Variants in DNAJC1 observed in about 807,000 individuals in gnomAD.
The protein encoded by DNAJC1 is DnaJ heat shock protein family (Hsp40) member C1.
In DNAJC1, 58 loss-of-function variants were observed where a neutral mutation model predicts 76.6. The observed-to-expected ratio is 0.76, with a 90% CI of 0.61 to 0.94. The LOEUF (loss-of-function observed/expected upper bound fraction) is 0.94, where lower values mean the gene tolerates loss of function less well. DNAJC1 is among the 40% of genes least tolerant of loss of function. The pLI, the probability that DNAJC1 is intolerant of heterozygous loss-of-function variation, is 0.00. For missense variants in DNAJC1, 689 were observed against 677.3 expected (o/e 1.02, Z -0.19); for synonymous variants, 258 against 267.9 (o/e 0.96, Z 0.36).
chr10:21,866,134 C>CAAAAAAAAAAAAAAA (rs1306930222), intron 8 of DNAJC1, among the ~76,000 whole-genome samples: 5 of 33,958 alleles, frequency 1.5e-4, no homozygotes, highest in Admixed American at 3.0e-4. Context: ...GACTTCAACT[C>CAAAAAAAAAAAAAAA]AAAAAAAAAA....
At chr10:21,831,224 T>A (rs1374142055) in intron 8 of DNAJC1, among the ~76,000 whole-genome samples, 1 of 152,134 alleles carries the variant, frequency 6.6e-6, no homozygotes, top group Non-Finnish European at 1.5e-5. Flanking sequence ...TTTCAATGGT[T>A]CTAGAACACA....
intron 9 of DNAJC1, among the ~76,000 whole-genome samples, chr10:21,798,368 G>A (rs570976734): frequency 3.9e-5 from 6 of 152,118 alleles, no homozygotes; most frequent in Admixed American, 2.0e-4. Flanking sequence ...TTCCCATCTC[G>A]CTCAGGGTAA....
At chr10:21,986,457 G>A (rs1288099879) in intron 1 of DNAJC1, among the ~76,000 whole-genome samples, 1 of 152,076 alleles carries the variant, frequency 6.6e-6, no homozygotes, top group Non-Finnish European at 1.5e-5. Flanking sequence ...ATCTTCTTGG[G>A]TAAGGTGTCT....
At chr10:21,813,198 CTCTCTCTCTCTCTCTCTCTCTCTA>C (rs1297564701) in intron 8 of DNAJC1, among the ~76,000 whole-genome samples, 6 of 81,040 alleles carry the variant, frequency 7.4e-5, no homozygotes, top group South Asian at 4.5e-4. Flanking sequence ...CTCTCTCTCT[CTCTCTCTCTCTCTCTCTCTCTCTA>C]TATATATATA....
At chr10:21,884,169 G>A (rs1396354006) in intron 7 of DNAJC1, among the ~76,000 whole-genome samples, 1 of 152,092 alleles carries the variant, frequency 6.6e-6, no homozygotes, top group South Asian at 2.1e-4. Flanking sequence ...GATTTGGAAA[G>A]GATGTATCCA....
rs888966272 is a variant in DNAJC1 at position 21,931,663 on chromosome 10, A to G, written c.223-2522T>C. Among the ~76,000 whole-genome samples, 6 of 152,222 alleles carry G rather than the reference A, an allele frequency of 3.9e-5. No homozygotes were observed. In the South Asian group the frequency reaches 1.2e-3, roughly 32 times the overall value. On this transcript the variant is annotated intron_variant, in intron 1 of 11. Transcript: ENST00000376980. ...GATAAACTATATGGAACATGTCCAC[A>G]TAACTACAATGTGAATATGTTCCAT...
At chr10:21,978,023 T>C (rs1838092664) in intron 1 of DNAJC1, among the ~76,000 whole-genome samples, 2 of 152,184 alleles carry the variant, frequency 1.3e-5, no homozygotes, top group Non-Finnish European at 2.9e-5. Flanking sequence ...GTCTGTTTTT[T>C]ATATAGGAGC....
intron 9 of DNAJC1, among the ~76,000 whole-genome samples, chr10:21,803,483 G>A (rs1207755105): frequency 2.0e-5 from 3 of 152,038 alleles, no homozygotes; most frequent in Non-Finnish European, 4.4e-5. Context: ...TTATACTAGA[G>A]AAACAATACT....
chr10:21,960,607 T>A (rs1458175215), intron 1 of DNAJC1, among the ~76,000 whole-genome samples: 1 of 152,142 alleles, frequency 6.6e-6, no homozygotes, highest in Admixed American at 6.6e-5. Context: ...GGAGGATCAC[T>A]TGAGCCCTGG....
At chr10:21,801,925 C>T (rs1314041441) in intron 9 of DNAJC1, among the ~76,000 whole-genome samples, 3 of 151,962 alleles carry the variant, frequency 2.0e-5, no homozygotes, top group Non-Finnish European at 4.4e-5. Context: ...CACTTGTAAG[C>T]GGGAGCTAAA....
chr10:21,771,269 T>C (rs1834374112), intron 9 of DNAJC1, among the ~76,000 whole-genome samples: 2 of 152,198 alleles, frequency 1.3e-5, no homozygotes, highest in Admixed American at 1.3e-4. Flanking sequence ...TTTTCCATCT[T>C]ATTTCTTTTT....
In DNAJC1 at chr10:21,890,181, G is replaced by A. The variant is rs557027577; in HGVS notation, c.821-7742C>T. 3.3e-5 allele frequency among the ~76,000 whole-genome samples: 5 copies of A among 152,096 alleles called. 1 individual carries two copies. The highest frequency in any genetic ancestry group is 2.1e-4 in the South Asian group (1 of 4,806). ...AATCTCAGCACTTTGGGAGGCTGGGGGGGGGTGGATGACCTGAGGTCAGGA... is the reference window on the plus strand; with the variant it reads ...AATCTCAGCACTTTGGGAGGCTGGGAGGGGGTGGATGACCTGAGGTCAGGA... On this transcript the variant is annotated intron_variant, in intron 7 of 11. Transcript: ENST00000376980.
intron 9 of DNAJC1, among the ~76,000 whole-genome samples, chr10:21,779,665 G>T (rs958995971): frequency 6.6e-6 from 1 of 152,200 alleles, no homozygotes; most frequent in Non-Finnish European, 1.5e-5. Flanking sequence ...CACAAAAGCT[G>T]AGAATTCTAA....
chr10:21,872,305 G>A (rs915754644), intron 8 of DNAJC1, among the ~76,000 whole-genome samples: 3 of 151,918 alleles, frequency 2.0e-5, no homozygotes, highest in African/African-American at 4.8e-5. Context: ...CCTGACCTCC[G>A]GTGATCTGCC....
intron 8 of DNAJC1, among the ~76,000 whole-genome samples, chr10:21,851,191 T>A (rs982061550): frequency 6.6e-6 from 1 of 152,144 alleles, no homozygotes; most frequent in Non-Finnish European, 1.5e-5. Context: ...AGAACATTAT[T>A]ATGAAAATGA....
chr10:21,805,871 G>T (rs1463892604), intron 9 of DNAJC1, 109 bp downstream of exon 9: 6 of 1,436,680 alleles, frequency 4.2e-6, no homozygotes, highest in Non-Finnish European at 5.8e-6. Flanking sequence ...TAAAAGGATT[G>T]TTGTATCCCC....
intron 8 of DNAJC1, among the ~76,000 whole-genome samples, chr10:21,822,593 A>C (rs1343327686): frequency 6.6e-6 from 1 of 152,168 alleles, no homozygotes; most frequent in Non-Finnish European, 1.5e-5. Context: ...AATCAAAGAC[A>C]GGGCTAGAGT....
chr10:21,763,200 G>C (rs1414341831), intron 10 of DNAJC1, among the ~76,000 whole-genome samples: 1 of 152,188 alleles, frequency 6.6e-6, no homozygotes, highest in African/African-American at 2.4e-5. Flanking sequence ...CAAAGTGTCA[G>C]GATTACAGGC....
At chr10:21,919,962 T>C (rs1228161200) in intron 4 of DNAJC1, 33 bp from the exon 5 acceptor site, 1 of 1,339,132 alleles carries the variant, frequency 7.5e-7, no homozygotes, top group Admixed American at 2.0e-5. Context: ...TTACAGGTTA[T>C]CATTAACATG....
Sources: gnomAD v4.1 joint callset for allele counts (sites outside exome capture counted in the v4.1 genomes callset) on GRCh38, gnomAD v4.1.1 for gene constraint, MANE v1.5 for transcripts, NCBI Gene and HGNC (gene_info 2026-07-23, HGNC 2026-07-21) for gene names.